The following GHR variants were observed in gnomAD, a reference collection of about 807,000 sequenced individuals.
GHR encodes GH receptor.
GHR carries 35 observed loss-of-function variants against 67.1 expected under a neutral mutation model. That is an observed-to-expected ratio of 0.52 (90% CI 0.40 to 0.69). GHR has a LOEUF of 0.69. GHR is among the 30% of genes least tolerant of loss of function. The probability of loss-of-function intolerance (pLI) is 0.00; values close to 1 mark genes in which losing one functional copy is unlikely to be tolerated. For synonymous variants in GHR, 272 were observed against 269.1 expected, an observed-to-expected ratio of 1.01 and a Z score of -0.10; for missense variants, 792 against 764.6, an observed-to-expected ratio of 1.04 and a Z score of -0.42.
intron 4 of GHR, among the ~76,000 whole-genome samples, chr5:42,692,533 A>G (rs944100196): frequency 1.3e-5 from 2 of 152,230 alleles, no homozygotes; most frequent in Non-Finnish European, 2.9e-5. Context: ...TAAGTTATAA[A>G]TATTTATTTA....
At chr5:42,528,598 A>C (rs1338185436) in intron 1 of GHR, among the ~76,000 whole-genome samples, 1 of 152,230 alleles carries the variant, frequency 6.6e-6, no homozygotes, top group Non-Finnish European at 1.5e-5. Flanking sequence ...AAATGGCAAA[A>C]GATTTAGAAT....
chr5:42,527,390 A>G (rs985504808), intron 1 of GHR, among the ~76,000 whole-genome samples: 3 of 152,236 alleles, frequency 2.0e-5, no homozygotes, highest in African/African-American at 7.2e-5. Context: ...AATGGAAAAC[A>G]GGAAAAAGCA....
intron 1 of GHR, chr5:42,468,889 C>T (rs1269163502): frequency 9.5e-6 from 7 of 736,140 alleles, no homozygotes; most frequent in East Asian, 3.0e-5. Context: ...GCGGCACATT[C>T]CTCCACGGAT....
intron 3 of GHR, among the ~76,000 whole-genome samples, chr5:42,687,448 G>A (rs538868163): frequency 6.6e-6 from 1 of 152,264 alleles, no homozygotes; most frequent in South Asian, 2.1e-4. Flanking sequence ...CCACATCCCT[G>A]CTTTTGCTAG....
chr5:42,614,110 T>C (rs1753020308), intron 2 of GHR, among the ~76,000 whole-genome samples: 1 of 152,078 alleles, frequency 6.6e-6, no homozygotes, highest in Non-Finnish European at 1.5e-5. Flanking sequence ...CCATACACAA[T>C]TTAGTAAAAT....
intron 2 of GHR, among the ~76,000 whole-genome samples, chr5:42,617,418 ACACACAC>A (rs1228052746): frequency 6.6e-6 from 1 of 150,542 alleles, no homozygotes; most frequent in Non-Finnish European, 1.5e-5. Flanking sequence ...ACACACACAC[ACACACAC>A]AGCATTTGCT....
At chr5:42,488,129 C>G (rs1303483292) in intron 1 of GHR, among the ~76,000 whole-genome samples, 3 of 152,186 alleles carry the variant, frequency 2.0e-5, no homozygotes, top group African/African-American at 7.2e-5. Flanking sequence ...TGTTTGGTTT[C>G]ATCATACAAT....
intron 1 of GHR, among the ~76,000 whole-genome samples, chr5:42,540,356 T>C (rs981203818): frequency 2.0e-5 from 3 of 152,196 alleles, no homozygotes; most frequent in Admixed American, 1.3e-4. Flanking sequence ...TTTCACCTTG[T>C]TTCAAATATA....
intron 1 of GHR, among the ~76,000 whole-genome samples, chr5:42,505,468 A>G (rs1041410162): frequency 1.3e-5 from 2 of 152,106 alleles, no homozygotes; most frequent in Non-Finnish European, 1.5e-5. Context: ...AAAAATAGGT[A>G]ACATTATATC....
chr5:42,690,725 G>A (rs1043923528), intron 4 of GHR, among the ~76,000 whole-genome samples: 3 of 152,130 alleles, frequency 2.0e-5, no homozygotes, highest in Non-Finnish European at 4.4e-5. Flanking sequence ...ATGAAGTGAA[G>A]TGAAGATGAA....
chr5:42,496,187 G>A (rs2112213996), intron 1 of GHR, among the ~76,000 whole-genome samples: 1 of 152,302 alleles, frequency 6.6e-6, no homozygotes, highest in South Asian at 2.1e-4. Flanking sequence ...GACACTTTAT[G>A]TTGGAAGCAA....
intron 1 of GHR, among the ~76,000 whole-genome samples, chr5:42,436,679 G>A (rs1289894915): frequency 6.6e-6 from 1 of 152,172 alleles, no homozygotes; most frequent in African/African-American, 2.4e-5. Context: ...ATTGTATAAT[G>A]TGCCTGAGTT....
rs1742723374 is a variant in GHR, at chr5:42,423,885, G to A, written c.-82G>A. 6.4e-6 allele frequency: 1 copy of A among 156,490 alleles called. No homozygotes were observed. Among genetic ancestry groups the A allele is most frequent in the Admixed American group, 6.5e-5 (1 of 15,280 alleles). The allele number at this position is 156,490 out of a possible 1,614,324, so 9.7% of individuals were successfully genotyped here. A position where few individuals can be genotyped will look rare whatever the true frequency, so the allele number is the denominator to read the frequency against. On this transcript the variant is annotated 5_prime_UTR_variant, in exon 1 of 10. Transcript: ENST00000230882. ...ACCCCGGGCTGGGGCCACGCGGGCCGGAGGCCCCGGCACCATTGGCCCCAG... is the reference window on the plus strand; with the variant it reads ...ACCCCGGGCTGGGGCCACGCGGGCCAGAGGCCCCGGCACCATTGGCCCCAG...
intron 9 of GHR, 116 bp downstream of exon 9, chr5:42,718,237 C>T (rs1284483554): frequency 2.7e-6 from 2 of 729,856 alleles, no homozygotes; most frequent in Non-Finnish European, 4.7e-6. Context: ...TCTTGTGTCT[C>T]TTCTCCTGGA....
At chr5:42,620,879 A>T (rs1016179791) in intron 2 of GHR, among the ~76,000 whole-genome samples, 4 of 152,148 alleles carry the variant, frequency 2.6e-5, no homozygotes, top group Admixed American at 6.5e-5. Context: ...ATAAGGGAAG[A>T]GATAGTCACT....
intron 2 of GHR, among the ~76,000 whole-genome samples, chr5:42,599,682 C>G (rs7721816): frequency 1.3e-5 from 2 of 152,176 alleles, no homozygotes; most frequent in Admixed American, 6.5e-5. Context: ...CATTTGTAAG[C>G]AGATGAATTG....
intron 2 of GHR, among the ~76,000 whole-genome samples, chr5:42,595,082 G>C (rs28943883): frequency 0.028 from 4,256 of 152,238 alleles, 155 homozygotes; most frequent in African/African-American, 0.085. Flanking sequence ...TGGCTTCACA[G>C]TGCTTCCTAC....
At chr5:42,432,819 G>A (rs1743153213) in intron 1 of GHR, among the ~76,000 whole-genome samples, 1 of 152,166 alleles carries the variant, frequency 6.6e-6, no homozygotes, top group African/African-American at 2.4e-5. Context: ...TTTCAATGTA[G>A]CACCTTATTT....
chr5:42,711,175 G>A (rs1424323770), intron 6 of GHR, 32 bp from the exon 7 acceptor site: 44 of 1,565,226 alleles, frequency 2.8e-5, no homozygotes, highest in African/African-American at 4.1e-5. Flanking sequence ...TTGACTCTTT[G>A]GCCAATATGC....
Sources: allele counts gnomAD v4.1 joint callset (sites outside exome capture counted in the v4.1 genomes callset), GRCh38; gene constraint gnomAD v4.1.1; transcripts MANE v1.5; gene names NCBI Gene and HGNC (gene_info 2026-07-23, HGNC 2026-07-21).